LIAS: variants seen among roughly 807,000 people sequenced by gnomAD.
LIAS encodes the protein lipoyl synthase, mitochondrial.
In LIAS, 36 loss-of-function variants were observed where a neutral mutation model predicts 49.4. The observed-to-expected ratio is 0.73, with a 90% CI of 0.56 to 0.96. The LOEUF (loss-of-function observed/expected upper bound fraction) is 0.96, where lower values mean the gene tolerates loss of function less well. Ranked by LOEUF, LIAS falls within the 40% of genes least tolerant of loss-of-function variation. LIAS has a pLI of 0.00. For missense variants in LIAS, 399 were observed against 456.3 expected (o/e 0.87, Z 1.14); for synonymous variants, 145 against 155.8 (o/e 0.93, Z 0.52).
rs762767372 is a variant in LIAS, at chr4:39,465,301, A to T, written c.567A>T (p.Gly189=). The stretch of plus-strand genomic sequence containing the variant: ...TGTTTCTAGATATGCCTGATGGGGG[A>T]GCTGAACACATTGCAAAGACCGTAT... ...SVDRDDMPDG[G]AEHIAKTVSY... is the part of the protein sequence containing the mutation. Residue 189 remains glycine, a synonymous_variant, in exon 6 of 11, where the codon GGA becomes GGT. Transcript: ENST00000640888. The T allele has an allele frequency of 1.2e-6, 2 of 1,612,560 alleles. No individual in the cohort carries two copies. The highest frequency in any genetic ancestry group is 3.4e-5 in the Admixed American group (2 of 59,612).
At chr4:39,472,234 A>G (rs1203828725) in intron 9 of LIAS, among the ~76,000 whole-genome samples, 1 of 152,184 alleles carries the variant, frequency 6.6e-6, no homozygotes, top group Non-Finnish European at 1.5e-5. Context: ...TATATTTACT[A>G]GTCATTAAGT....
chr4:39,464,902 CT>C, intron 4 of LIAS, 143 bp from the exon 5 acceptor site: 1 of 597,038 alleles, frequency 1.7e-6, no homozygotes, highest in Admixed American at 3.3e-5. Flanking sequence ...TGTTCCTTGA[CT>C]ATCATTTAGT....
chr4:39,462,413 A>G, intron 3 of LIAS, 124 bp downstream of exon 3: 1 of 328,346 alleles, frequency 3.0e-6, no homozygotes, highest in Admixed American at 4.9e-5. Context: ...TAAGTGATAC[A>G]TTACTACCAG....
At chr4:39,473,234 G>A (rs760570215) in intron 10 of LIAS, 23 bp downstream of exon 10, 8 of 1,413,484 alleles carry the variant, frequency 5.7e-6, no homozygotes, top group Non-Finnish European at 8.0e-6. Flanking sequence ...GTGGGGCATG[G>A]TTTCATTTAG....
In LIAS at chr4:39,465,029, T is replaced by C; in HGVS notation, c.394-17T>C. 1 of 1,600,908 alleles carries C rather than the reference T, an allele frequency of 6.2e-7. No individual in the cohort carries two copies. On this transcript the variant is annotated splice_polypyrimidine_tract_variant and intron_variant, in intron 4 of 10. Coordinates refer to ENST00000640888, the MANE Select transcript of LIAS (RefSeq NM_006859.4). ...TCATCTGTCTATTTCATTTAAATTG[T>C]AACATTTCTATTCTAGTTGATGGGT...
chr4:39,459,335 A>G, intron 1 of LIAS, 173 bp downstream of exon 1: 4 of 626,752 alleles, frequency 6.4e-6, no homozygotes, highest in East Asian at 2.7e-5. Context: ...GCCCCATGAT[A>G]TAGAGTCTCT....
At chr4:39,472,813 A>G (rs984501967) in intron 9 of LIAS, among the ~76,000 whole-genome samples, 20 of 152,230 alleles carry the variant, frequency 1.3e-4, no homozygotes, top group African/African-American at 4.8e-4. Flanking sequence ...ATATAGATAA[A>G]TAATATCTGT....
In LIAS at chr4:39,477,269, C is replaced by A. The variant is rs537448478; in HGVS notation, c.*154C>A. On this transcript the variant is annotated 3_prime_UTR_variant, in exon 11 of 11. Transcript: ENST00000640888. ...AATAGCCAGGCATAGTGGCTCACGC[C>A]TGTAATCCCAGCACTTTAGGAGGCC... The A allele has an allele frequency of 9.2e-5, 56 of 606,464 alleles. No homozygotes were observed. Among genetic ancestry groups the A allele is most frequent in the Non-Finnish European group, 7.8e-5 (27 of 347,258 alleles). The allele number at this position is 606,464 out of a possible 1,614,324, so 37.6% of individuals were successfully genotyped here.
intron 6 of LIAS, 81 bp from the exon 7 acceptor site, chr4:39,467,437 C>A: frequency 7.3e-7 from 1 of 1,369,124 alleles, no homozygotes; most frequent in South Asian, 1.5e-5. Flanking sequence ...GCATACTGAA[C>A]GATTACTGAT....
chr4:39,473,182 G>A lies in LIAS; in HGVS notation c.1037G>A (p.Gly346Asp), dbSNP rs1745057681. The A allele has an allele frequency of 3.2e-5, 52 of 1,612,656 alleles. No individual in the cohort carries two copies. Among genetic ancestry groups the A allele is most frequent in the Non-Finnish European group, 4.4e-5 (52 of 1,178,672 alleles). ...CTTGGATTTCATTATACTGCAAGTG[G>A]CCCTTTGGTGCGTTCTTCATATAAA... ...NELGFHYTASGPLVRSSYKAG... is the reference protein window; with the variant it reads ...NELGFHYTASDPLVRSSYKAG... The change falls in exon 10 of 11, where the codon GGC becomes GAC. Residue 346 changes from glycine to aspartate, a missense_variant. By Grantham distance (94) the Gly-to-Asp change is moderately conservative. Coordinates refer to ENST00000640888, the MANE Select transcript of LIAS (RefSeq NM_006859.4).
chr4:39,474,476 T>C (rs1404077350), intron 10 of LIAS, among the ~76,000 whole-genome samples: 1 of 151,896 alleles, frequency 6.6e-6, no homozygotes, highest in African/African-American at 2.4e-5. Flanking sequence ...CCAGGTGTGG[T>C]GGTGTGTGCC....
chr4:39,465,207 G>A lies in LIAS; in HGVS notation c.550+5G>A. On this transcript the variant is annotated splice_donor_5th_base_variant and intron_variant, in intron 5 of 10. Coordinates refer to ENST00000640888, the MANE Select transcript of LIAS (RefSeq NM_006859.4). Reference sequence around the variant, plus strand: ...TGACATCTGTGGATCGAGATGGTTAGTGTGTCATCATGGCCTCTACCAGAA... The same window carrying A: ...TGACATCTGTGGATCGAGATGGTTAATGTGTCATCATGGCCTCTACCAGAA... 7 of 1,613,394 alleles carry A rather than the reference G, an allele frequency of 4.3e-6. No homozygotes were observed. Among genetic ancestry groups the A allele is most frequent in the Non-Finnish European group, 5.9e-6 (7 of 1,179,468 alleles).
rs889461254 is a variant in LIAS, at chr4:39,459,180, C to T, written c.45+18C>T. On this transcript the variant is annotated intron_variant, in intron 1 of 10. Transcript: ENST00000640888. The stretch of plus-strand genomic sequence containing the variant: ...GGCCCCGGGTGAGCGGCGGGGCGAA[C>T]GGGTTTGGGCGTGGGGTGGGGGGAT... 2 of 1,609,262 alleles carry T rather than the reference C, an allele frequency of 1.2e-6. No homozygotes were observed. Among genetic ancestry groups the T allele is most frequent in the Non-Finnish European group, 1.7e-6 (2 of 1,178,966 alleles).
chr4:39,471,453 C>G, intron 9 of LIAS, 147 bp downstream of exon 9: 1 of 528,786 alleles, frequency 1.9e-6, no homozygotes, highest in Non-Finnish European at 3.3e-6. Context: ...CCTGCCTCAC[C>G]CTCCTGAGCA....
chr4:39,460,861 A>G lies in LIAS; in HGVS notation c.117A>G (p.Leu39=). The part of the protein sequence containing the change: ...SSLPDKKKEL[L]QNGPDLQDFV... ...TGCCAGATAAAAAAAAGGAACTCCTACAGAATGGACCAGACCTTCAAGATT... is the reference window on the plus strand; with the variant it reads ...TGCCAGATAAAAAAAAGGAACTCCTGCAGAATGGACCAGACCTTCAAGATT... The change falls in exon 2 of 11, where the codon CTA becomes CTG. Residue 39 remains leucine (L), a synonymous_variant. Coordinates refer to ENST00000640888, the MANE Select transcript of LIAS (RefSeq NM_006859.4). 3 of 1,612,730 alleles carry G rather than the reference A, an allele frequency of 1.9e-6. No individual in the cohort carries two copies. Among genetic ancestry groups the G allele is most frequent in the African/African-American group, 1.3e-5 (1 of 74,996 alleles).
chr4:39,476,966 T>C, intron 10 of LIAS, 97 bp from the exon 11 acceptor site: 1 of 800,538 alleles, frequency 1.2e-6, no homozygotes, highest in South Asian at 1.8e-5. Flanking sequence ...AAAAGTCTTC[T>C]TTAAAGGGGG....
At position 39,464,910 on chromosome 4, in the gene LIAS, T is replaced by A; in HGVS notation, c.394-136T>A. On this transcript the variant is annotated intron_variant, in intron 4 of 10. Transcript: ENST00000640888. ...ATATTTATGTTCCTTGACTATCATTTAGTTTTGAATGTTTCAAATTTCTTA... is the reference window on the plus strand; with the variant it reads ...ATATTTATGTTCCTTGACTATCATTAAGTTTTGAATGTTTCAAATTTCTTA... The A allele has an allele frequency of 4.9e-6, 3 of 614,928 alleles. 1 individual carries two copies. In the Middle Eastern group the frequency reaches 1.2e-3, roughly 237 times the overall value. 38.1% of individuals were successfully genotyped at this position (614,928 alleles called of 1,614,324 possible).
chr4:39,472,761 A>G (rs1411674387), intron 9 of LIAS, among the ~76,000 whole-genome samples: 1 of 152,258 alleles, frequency 6.6e-6, no homozygotes, highest in Non-Finnish European at 1.5e-5. Context: ...AGAATCAGAT[A>G]AGCATGAGTA....
At position 39,460,858 on chromosome 4, in the gene LIAS, C is replaced by T; in HGVS notation, c.114C>T (p.Leu38=). ...CCTTGCCAGATAAAAAAAAGGAACT[C>T]CTACAGAATGGACCAGACCTTCAAG... ...LSSLPDKKKE[L]LQNGPDLQDF... Residue 38 remains leucine (L), a synonymous_variant, in exon 2 of 11, where the codon CTC becomes CTT. Transcript: ENST00000640888. The T allele has an allele frequency of 6.2e-7, 1 of 1,611,358 alleles. No homozygotes were observed. The highest frequency in any genetic ancestry group is 8.5e-7 in the Non-Finnish European group (1 of 1,179,190).
Sources: gnomAD v4.1 joint callset for allele counts (sites outside exome capture counted in the v4.1 genomes callset) on GRCh38, gnomAD v4.1.1 for gene constraint, MANE v1.5 for transcripts, NCBI Gene and HGNC (gene_info 2026-07-23, HGNC 2026-07-21) for gene names.